Variants in NPHP4 observed in about 807,000 individuals in gnomAD.
NPHP4 encodes the protein nephrocystin 4.
Under a neutral mutation model 155.8 loss-of-function variants are expected in NPHP4, and 151 were observed. The observed-to-expected ratio is 0.97, with a 90% confidence interval of 0.85 to 1.11. NPHP4 has a LOEUF of 1.11. NPHP4 is among the 50% of genes least tolerant of loss of function. The probability of loss-of-function intolerance (pLI) is 0.00; values close to 1 mark genes in which losing one functional copy is unlikely to be tolerated. For synonymous variants in NPHP4, 845 were observed against 816.8 expected (o/e 1.03, Z -0.59); for missense variants, 1,956 against 1,925.7 (o/e 1.02, Z -0.29).
At chr1:5,866,305 G>C (rs1570051201) in intron 26 of NPHP4, 68 bp downstream of exon 26, 1 of 1,030,872 alleles carries the variant, frequency 9.7e-7, no homozygotes, top group East Asian at 2.5e-5. Flanking sequence ...CAATCCACCA[G>C]CAGCCCCAGG....
rs146150133 is a variant in NPHP4 at position 5,980,423 on chromosome 1, G to A, written c.136-2010C>T. 6.4e-4 allele frequency among the ~76,000 whole-genome samples: 97 copies of A among 152,346 alleles called. 1 individual carries two copies. The East Asian group carries it at 0.014, about 22-fold the overall frequency. On this transcript the variant is annotated intron_variant, in intron 2 of 29. Coordinates refer to ENST00000378156, the MANE Select transcript of NPHP4 (RefSeq NM_015102.5). ...AGGAATGAGCGCCAGGCGCAAGAGC[G>A]TTCAGGCAGGCCTCACGGCGCGAGG...
At chr1:5,868,018 G>A (rs1047346841) in intron 23 of NPHP4, 122 bp from the exon 24 acceptor site, 3 of 1,086,214 alleles carry the variant, frequency 2.8e-6, no homozygotes, top group South Asian at 2.6e-5. Flanking sequence ...CCACTGCCAT[G>A]AGCGGGGAAG....
intron 11 of NPHP4, among the ~76,000 whole-genome samples, 197 bp from the exon 12 acceptor site, chr1:5,909,410 G>A (rs1222940623): frequency 1.3e-5 from 2 of 152,182 alleles, no homozygotes; most frequent in African/African-American, 2.4e-5. Context: ...CTAGAGCCCT[G>A]GCATGCACCA....
Position 5,867,734 on chromosome 1 carries a change from A to G in NPHP4, c.3472+6T>C, listed in dbSNP as rs886038610. On this transcript the variant is annotated splice_donor_region_variant and intron_variant, in intron 24 of 29. Coordinates refer to ENST00000378156, the MANE Select transcript of NPHP4 (RefSeq NM_015102.5). The surrounding 1 kb of genome is among the most constrained non-coding windows in gnomAD (Gnocchi z 4.1). Reference sequence around the variant, plus strand: ...ATGTGGGCTGCAGGGTCAGTGCAGGACCTGCCTGGAAATGTGTGCCAGGGC... The same window carrying G: ...ATGTGGGCTGCAGGGTCAGTGCAGGGCCTGCCTGGAAATGTGTGCCAGGGC... The G allele has an allele frequency of 6.2e-7, 1 of 1,608,502 alleles. No homozygotes were observed. Among genetic ancestry groups the G allele is most frequent in the Middle Eastern group, 1.7e-4 (1 of 6,052 alleles).
chr1:5,899,272 T>A (rs1033403653), intron 16 of NPHP4, among the ~76,000 whole-genome samples: 4 of 152,168 alleles, frequency 2.6e-5, no homozygotes. Flanking sequence ...TTCCAACGCC[T>A]GTTTGAATGG....
intron 5 of NPHP4, among the ~76,000 whole-genome samples, chr1:5,964,197 T>C (rs1281139410): frequency 6.6e-6 from 1 of 152,234 alleles, no homozygotes; most frequent in Non-Finnish European, 1.5e-5. Flanking sequence ...GATGCAATAC[T>C]GGACAAGCGC....
In NPHP4 at chr1:5,905,900, T is replaced by A; in HGVS notation, c.1612-117A>T. On this transcript the variant is annotated intron_variant, in intron 13 of 29. Transcript: ENST00000378156. The surrounding 1 kb of genome is among the most constrained non-coding windows in gnomAD (Gnocchi z 4.0). ...ATTGCCTCTGGAGGGTTGCCAGCTC[T>A]AGCAAATACAAAAGGTTCAATTACA... 1 of 901,726 alleles carries A rather than the reference T, an allele frequency of 1.1e-6. No homozygotes were observed. The highest frequency in any genetic ancestry group is 1.7e-6 in the Non-Finnish European group (1 of 597,730). The allele number at this position is 901,726 out of a possible 1,614,324, so 55.9% of individuals were successfully genotyped here.
intron 16 of NPHP4, among the ~76,000 whole-genome samples, chr1:5,900,948 T>C (rs1359765137): frequency 2.0e-5 from 3 of 151,970 alleles, no homozygotes; most frequent in Non-Finnish European, 2.9e-5. Context: ...GGTGGGAGGA[T>C]TGTTTGGGCC....
chr1:5,866,284 A>G (rs1027976890), intron 26 of NPHP4, 89 bp downstream of exon 26: 1 of 874,382 alleles, frequency 1.1e-6, no homozygotes, highest in African/African-American at 1.6e-5. Flanking sequence ...GGAAGGGGCC[A>G]AGCCCACTTT....
At chr1:5,902,479 C>A (rs1202708649) in intron 16 of NPHP4, among the ~76,000 whole-genome samples, 1 of 152,198 alleles carries the variant, frequency 6.6e-6, no homozygotes, top group Non-Finnish European at 1.5e-5. Flanking sequence ...CTCTCTTGAC[C>A]GACTGTGCCC....
At position 5,905,590 on chromosome 1, in the gene NPHP4, C is replaced by G; in HGVS notation, c.1763+42G>C. ...CACAAGGTCCAACAGTCTGACGGCA[C>G]AGCACGTGACTGGTTCCATCCCACC... On this transcript the variant is annotated intron_variant, in intron 14 of 29. Coordinates refer to ENST00000378156, the MANE Select transcript of NPHP4 (RefSeq NM_015102.5). The surrounding 1 kb of genome is among the most constrained non-coding windows in gnomAD (Gnocchi z 4.0). 1.9e-6 allele frequency: 3 copies of G among 1,611,988 alleles called. No individual in the cohort carries two copies. Among genetic ancestry groups the G allele is most frequent in the Non-Finnish European group, 8.5e-7 (1 of 1,178,654 alleles).
Position 5,877,318 on chromosome 1 carries a change from C to T in NPHP4, c.2612-20G>A, listed in dbSNP as rs757890241. 5.1e-6 allele frequency: 8 copies of T among 1,565,624 alleles called. No homozygotes were observed. The highest frequency in any genetic ancestry group is 3.5e-5 in the Admixed American group (2 of 57,250). ...GTTTTCCTGCGAAAGGGTCAGAGCG[C>T]GAGTCAGGTAGACGTGCAGTGTCTG... On this transcript the variant is annotated intron_variant, in intron 19 of 29. Coordinates refer to ENST00000378156, the MANE Select transcript of NPHP4 (RefSeq NM_015102.5).
In NPHP4 at chr1:5,877,173, T is replaced by C; in HGVS notation, c.2737A>G (p.Arg913Gly). 6.2e-7 allele frequency: 1 copy of C among 1,606,198 alleles called. No individual in the cohort carries two copies. Residue 913 changes from arginine to glycine, a missense_variant, in exon 20 of 30, where the codon AGG (arginine) becomes GGG (glycine). Physicochemically the swap from Arg to Gly is moderately radical, Grantham distance 125 (BLOSUM62 -2). Coordinates refer to ENST00000378156, the MANE Select transcript of NPHP4 (RefSeq NM_015102.5). ...DVSRESDATR[R>G]RKLERMRSVR... is the part of the protein sequence containing the mutation. ...GACCTCATCCGCTCCAGCTTACGCC[T>C]GCGGGTGGCATCCGACTCGCGGCTG...
Position 5,907,240 on chromosome 1 carries a change from A to G in NPHP4, c.1504-18T>C, listed in dbSNP as rs777194848. ...ATTGACAACTGGAAGGAAAGAGAGC[A>G]CAGGTGAGGGGCTCAGAAGCTTGCC... On this transcript the variant is annotated intron_variant, in intron 12 of 29. Coordinates refer to ENST00000378156, the MANE Select transcript of NPHP4 (RefSeq NM_015102.5). 6.6e-7 allele frequency: 1 copy of G among 1,511,160 alleles called. No individual in the cohort carries two copies. The allele number at this position is 1,511,160 out of a possible 1,614,324, so 93.6% of individuals were successfully genotyped here.
chr1:5,948,600 GA>G (rs1330960806), intron 7 of NPHP4, among the ~76,000 whole-genome samples: 2 of 152,152 alleles, frequency 1.3e-5, no homozygotes, highest in African/African-American at 4.8e-5. Flanking sequence ...GCTCCTTCAA[GA>G]CTCCTCCAAG....
chr1:5,968,559 C>T (rs1651950566), intron 4 of NPHP4, among the ~76,000 whole-genome samples: 1 of 151,818 alleles, frequency 6.6e-6, no homozygotes, highest in Non-Finnish European at 1.5e-5. Context: ...CAATGTTGCA[C>T]CACTGCACTA....
rs1189447106 is a variant in NPHP4, at chr1:5,892,406, CCT to C, written c.2144-1380_2144-1379del. Among the ~76,000 whole-genome samples, 1 of 152,082 alleles carries C rather than the reference CCT, an allele frequency of 6.6e-6. No individual in the cohort carries two copies. Among genetic ancestry groups the C allele is most frequent in the Non-Finnish European group, 1.5e-5 (1 of 68,004 alleles). ...CTGTCAGCTCTGGGATCAGTGTCTC[CCT>C]GTTTTGAAACCCAGAGCTCCTTAAG... is the stretch of plus-strand genomic sequence containing the variant. On this transcript the variant is annotated intron_variant, in intron 16 of 29. Coordinates refer to ENST00000378156, the MANE Select transcript of NPHP4 (RefSeq NM_015102.5). This position sits in a 1 kb window ranked among gnomAD's most constrained non-coding sequence, Gnocchi z 4.5.
intron 11 of NPHP4, among the ~76,000 whole-genome samples, chr1:5,926,037 G>A (rs950501095): frequency 6.6e-5 from 10 of 152,064 alleles, no homozygotes; most frequent in East Asian, 1.9e-4. Flanking sequence ...ATTCTAAACC[G>A]ACTCTGACAG....
At chr1:5,888,433 C>T (rs1643931813) in intron 17 of NPHP4, 4 of 1,106,020 alleles carry the variant, frequency 3.6e-6, no homozygotes, top group Non-Finnish European at 4.4e-6. Context: ...AACAAAAGTG[C>T]CTGTCTCTGG....
Sources: gnomAD v4.1 joint callset for allele counts (sites outside exome capture counted in the v4.1 genomes callset) on GRCh38, gnomAD v4.1.1 for gene constraint, Gnocchi (gnomAD v3.1) non-coding constraint, MANE v1.5 for transcripts, NCBI Gene and HGNC (gene_info 2026-07-23, HGNC 2026-07-21) for gene names.